EVL: variants seen among roughly 807,000 people sequenced by gnomAD.
EVL encodes Enah/Vasp-like.
EVL carries 21 observed loss-of-function variants against 59.6 expected under a neutral mutation model. The ratio of observed to expected loss-of-function variants is 0.35; its 90% CI spans 0.25 to 0.51. The LOEUF (loss-of-function observed/expected upper bound fraction) is 0.51. Among genes scored for constraint, EVL ranks in the 20% least tolerant of loss-of-function variants. EVL has a pLI of 0.97. For synonymous variants in EVL, 198 were observed against 203.5 expected, an observed-to-expected ratio of 0.97 and a Z score of 0.23; for missense variants, 462 against 546.6, an observed-to-expected ratio of 0.85 and a Z score of 1.54.
intron 3 of EVL, chr14:100,105,898 A>G (rs1886536926): frequency 6.6e-6 from 1 of 152,244 alleles, no homozygotes; most frequent in Admixed American, 6.5e-5. Flanking sequence ...CTCTGCAGAA[A>G]GTTTGACTGT....
intron 1 of EVL, among the ~76,000 whole-genome samples, chr14:99,985,577 G>T (rs1273187141): frequency 6.6e-6 from 1 of 152,046 alleles, no homozygotes; most frequent in African/African-American, 2.4e-5. Flanking sequence ...TGACCAGCAT[G>T]ACCAACATGG....
chr14:99,991,306 A>G (rs2060874329), intron 1 of EVL, among the ~76,000 whole-genome samples: 1 of 152,208 alleles, frequency 6.6e-6, no homozygotes, highest in Admixed American at 6.5e-5. Flanking sequence ...TTAATTTTAC[A>G]TAAACACACT....
chr14:100,028,720 A>G (rs1363927519), intron 1 of EVL, among the ~76,000 whole-genome samples: 1 of 152,198 alleles, frequency 6.6e-6, no homozygotes, highest in Non-Finnish European at 1.5e-5. Context: ...CTGACGCAGG[A>G]GAATTGCTTG....
chr14:100,043,311 A>G lies in EVL; in HGVS notation c.6-41376A>G, dbSNP rs146970958. 0.015 allele frequency among the ~76,000 whole-genome samples: 2,220 copies of G among 149,630 alleles called. 107 individuals carry two copies. In the East Asian group the frequency reaches 0.18, roughly 12 times the overall value. On this transcript the variant is annotated intron_variant, in intron 1 of 13. Coordinates refer to the EVL transcript ENST00000402714. ...TATATATATGTGTGTGTGTGTGTGT[A>G]TATGTATATGTATAGATATACAAGG...
intron 1 of EVL, among the ~76,000 whole-genome samples, chr14:99,994,877 A>G (rs2060902686): frequency 6.6e-6 from 1 of 152,126 alleles, no homozygotes; most frequent in Non-Finnish European, 1.5e-5. Flanking sequence ...AAAAGTCTTC[A>G]TTTCTCCTTC....
At chr14:100,112,508 G>A (rs961190559) in intron 3 of EVL, among the ~76,000 whole-genome samples, 91 of 152,176 alleles carry the variant, frequency 6.0e-4, no homozygotes, top group African/African-American at 2.0e-3. Flanking sequence ...TGCTTAGCCC[G>A]GCATGCTGTG....
chr14:100,016,269 G>A (rs917947120), intron 1 of EVL, among the ~76,000 whole-genome samples: 2 of 152,050 alleles, frequency 1.3e-5, no homozygotes, highest in Non-Finnish European at 2.9e-5. Flanking sequence ...TGTGGCTCAC[G>A]CCTGTAATCC....
chr14:100,123,457 C>T, intron 3 of EVL, 82 bp from the exon 4 acceptor site: 3 of 1,392,684 alleles, frequency 2.2e-6, no homozygotes, highest in Non-Finnish European at 3.0e-6. Flanking sequence ...AGAAGGTGGG[C>T]AGAGATAGAG....
At chr14:100,016,733 A>C (rs988670752) in intron 1 of EVL, among the ~76,000 whole-genome samples, 1 of 152,190 alleles carries the variant, frequency 6.6e-6, no homozygotes, top group Admixed American at 6.5e-5. Flanking sequence ...TGTTATCAGT[A>C]ATCAAGTGGT....
chr14:100,022,773 TAAGGAA>T (rs2061148059), intron 1 of EVL, among the ~76,000 whole-genome samples: 1 of 152,080 alleles, frequency 6.6e-6, no homozygotes, highest in African/African-American at 2.4e-5. Flanking sequence ...AACCAGAACT[TAAGGAA>T]AAGCAAGCAA....
intron 1 of EVL, among the ~76,000 whole-genome samples, chr14:99,991,870 T>G (rs1470891835): frequency 6.6e-6 from 1 of 151,490 alleles, no homozygotes; most frequent in Non-Finnish European, 1.5e-5. Context: ...GTTAAGATTT[T>G]GGGGATTCAA....
At chr14:100,030,656 A>C (rs765533729) in intron 1 of EVL, among the ~76,000 whole-genome samples, 5 of 152,208 alleles carry the variant, frequency 3.3e-5, no homozygotes, top group Non-Finnish European at 5.9e-5. Context: ...AGTGAACGAA[A>C]CATGGTGTGA....
chr14:100,075,066 G>A (rs1320934680), intron 1 of EVL, among the ~76,000 whole-genome samples: 1 of 152,184 alleles, frequency 6.6e-6, no homozygotes, highest in African/African-American at 2.4e-5. Flanking sequence ...AATGAGAAGT[G>A]GGAATAAATG....
intron 1 of EVL, among the ~76,000 whole-genome samples, chr14:99,990,081 A>G (rs2060865716): frequency 6.6e-6 from 1 of 152,212 alleles, no homozygotes; most frequent in African/African-American, 2.4e-5. Flanking sequence ...TTGCTTACTT[A>G]AGCTTTGTAT....
rs1443390845 is a variant in EVL, at chr14:100,096,314, G to A, written c.181-1167G>A. ...CAGACAAAATCTGAGAAATCATCTTGTACTTCTAAAGCAAAATCCTTTCCA... is the reference window on the plus strand; with the variant it reads ...CAGACAAAATCTGAGAAATCATCTTATACTTCTAAAGCAAAATCCTTTCCA... On this transcript the variant is annotated intron_variant, in intron 2 of 13. Transcript: ENST00000392920. Among the ~76,000 whole-genome samples the A allele has an allele frequency of 3.9e-5, 6 of 152,222 alleles. No homozygotes were observed. The East Asian group carries it at 9.6e-4, about 24-fold the overall frequency.
At chr14:100,078,950 G>T (rs1174550233) in intron 1 of EVL, among the ~76,000 whole-genome samples, 2 of 152,210 alleles carry the variant, frequency 1.3e-5, no homozygotes, top group Non-Finnish European at 2.9e-5. Context: ...GGACCACCAT[G>T]CCAGTCCCAG....
chr14:99,992,885 GTGTTT>G (rs754606835), intron 1 of EVL, among the ~76,000 whole-genome samples: 3 of 151,912 alleles, frequency 2.0e-5, no homozygotes, highest in African/African-American at 4.8e-5. Context: ...AGTTTTTTGA[GTGTTT>G]TGTTTTGTTT....
At chr14:100,118,109 A>G (rs765292832) in intron 3 of EVL, among the ~76,000 whole-genome samples, 41 of 152,216 alleles carry the variant, frequency 2.7e-4, no homozygotes, top group Non-Finnish European at 5.3e-4. Context: ...ATGTGCAAGC[A>G]TATGTCATGG....
At chr14:100,097,454 C>T (rs367998209) in intron 2 of EVL, 27 bp from the exon 3 acceptor site, 27 of 1,580,112 alleles carry the variant, frequency 1.7e-5, no homozygotes, top group African/African-American at 6.8e-5. Context: ...TTTATTTACA[C>T]GTATTTCTCT....
Sources: gnomAD v4.1 joint callset for allele counts (sites outside exome capture counted in the v4.1 genomes callset) on GRCh38, gnomAD v4.1.1 for gene constraint, MANE v1.5 for transcripts, NCBI Gene and HGNC (gene_info 2026-07-23, HGNC 2026-07-21) for gene names.